Variants in WWC1 observed in about 807,000 individuals in gnomAD.
The protein encoded by WWC1 is protein KIBRA.
In WWC1, 55 loss-of-function variants were observed where a neutral mutation model predicts 138.4. The ratio of observed to expected loss-of-function variants is 0.40; its 90% CI spans 0.32 to 0.50. The LOEUF is 0.50. Among genes scored for constraint, WWC1 ranks in the 20% least tolerant of loss-of-function variants. The pLI, the probability that WWC1 is intolerant of heterozygous loss-of-function variation, is 0.72. For synonymous variants in WWC1, 524 were observed against 564.9 expected (o/e 0.93, Z 1.03); for missense variants, 1,226 against 1,420.4 (o/e 0.86, Z 2.20).
intron 2 of WWC1, among the ~76,000 whole-genome samples, chr5:168,376,991 G>A (rs559526200): frequency 2.6e-4 from 40 of 152,120 alleles, no homozygotes; most frequent in Non-Finnish European, 4.9e-4. Flanking sequence ...TAAGCAAAAA[G>A]AACAAAGCCA....
chr5:168,404,364 C>T (rs947589787), intron 5 of WWC1, among the ~76,000 whole-genome samples: 6 of 152,244 alleles, frequency 3.9e-5, no homozygotes, highest in Non-Finnish European at 5.9e-5. Flanking sequence ...AATCTGGGGC[C>T]GGTCCTTGCC....
chr5:168,427,425 G>A (rs528789698), intron 11 of WWC1, among the ~76,000 whole-genome samples: 15 of 152,178 alleles, frequency 9.9e-5, no homozygotes, highest in Admixed American at 2.6e-4. Context: ...GTATCTCAAG[G>A]TCATGAAGCA....
At chr5:168,426,183 T>C (rs915708223) in intron 11 of WWC1, among the ~76,000 whole-genome samples, 1 of 152,152 alleles carries the variant, frequency 6.6e-6, no homozygotes, top group Non-Finnish European at 1.5e-5. Context: ...ATCCCTGGGT[T>C]TCCCTCATCA....
At chr5:168,364,281 A>G (rs974071323) in intron 1 of WWC1, among the ~76,000 whole-genome samples, 2 of 151,958 alleles carry the variant, frequency 1.3e-5, no homozygotes, top group African/African-American at 2.4e-5. Flanking sequence ...CTCCTTAACC[A>G]TGGAGCTGAC....
At chr5:168,374,943 G>T (rs1181874394) in intron 2 of WWC1, among the ~76,000 whole-genome samples, 1 of 152,216 alleles carries the variant, frequency 6.6e-6, no homozygotes, top group African/African-American at 2.4e-5. Context: ...ATAACTTCTG[G>T]AGCTGAGCAA....
At chr5:168,300,815 C>T (rs189379920) in intron 1 of WWC1, among the ~76,000 whole-genome samples, 10 of 152,204 alleles carry the variant, frequency 6.6e-5, no homozygotes, top group Admixed American at 5.9e-4. Flanking sequence ...CCTGGGGTAG[C>T]CCCTGGGATC....
Position 168,469,008 on chromosome 5 carries a change from T to G in WWC1, c.3333T>G (p.Asp1111Glu), listed in dbSNP as rs756645749. 14 of 1,614,242 alleles carry G rather than the reference T, an allele frequency of 8.7e-6. No homozygotes were observed. Among genetic ancestry groups the G allele is most frequent in the Non-Finnish European group, 1.2e-5 (14 of 1,180,036 alleles). The change falls in exon 23 of 23, where the codon GAT (aspartate) becomes GAG (glutamate). Residue 1111 changes from aspartate (D) to glutamate (E), a missense_variant. Asp to Glu is a conservative substitution (Grantham distance 45). This residue lies in a region of WWC1 where 206 missense variants were observed against 247.4 expected (regional missense o/e 0.83). Coordinates refer to ENST00000265293, the MANE Select transcript of WWC1 (RefSeq NM_015238.3). ...PRMNIPALSA[D>E]DV ...TGAATATCCCAGCTCTCTCTGCAGA[T>G]GACGTCTAATCGCCAGAAAAGTATT...
chr5:168,450,558 C>G (rs983065050), intron 17 of WWC1, among the ~76,000 whole-genome samples: 2 of 151,898 alleles, frequency 1.3e-5, no homozygotes, highest in Non-Finnish European at 2.9e-5. Flanking sequence ...CCCAGCTACT[C>G]GGGAGGCTGA....
intron 19 of WWC1, among the ~76,000 whole-genome samples, chr5:168,458,272 C>G (rs1430325522): frequency 6.6e-6 from 1 of 152,172 alleles, no homozygotes; most frequent in African/African-American, 2.4e-5. Context: ...AAACTCAAAG[C>G]ACTGTGCTCT....
chr5:168,384,199 C>T (rs925722022), intron 2 of WWC1, among the ~76,000 whole-genome samples: 18 of 152,036 alleles, frequency 1.2e-4, no homozygotes, highest in Admixed American at 2.0e-4. Flanking sequence ...GTTACTTAAC[C>T]TCTCTACGTC....
intron 16 of WWC1, among the ~76,000 whole-genome samples, chr5:168,443,241 A>G (rs1754953777): frequency 6.6e-6 from 1 of 152,202 alleles, no homozygotes. Context: ...AGGTAAAGAT[A>G]AGGGTAGCAA....
Position 168,292,078 on chromosome 5 carries a change from A to T in WWC1, c.-75A>T. ...TGCCTCGGCGGCCGCCCGGGCTAAGAGCGGCCGGCTGGAGCCGCTGAGCCC... is the reference window on the plus strand; with the variant it reads ...TGCCTCGGCGGCCGCCCGGGCTAAGTGCGGCCGGCTGGAGCCGCTGAGCCC... On this transcript the variant is annotated 5_prime_UTR_variant, in exon 1 of 23. Coordinates refer to ENST00000265293, the MANE Select transcript of WWC1 (RefSeq NM_015238.3). The surrounding 1 kb of genome is among the most constrained non-coding windows in gnomAD (Gnocchi z 4.4). 7.0e-7 allele frequency: 1 copy of T among 1,426,290 alleles called. No homozygotes were observed. Among genetic ancestry groups the T allele is most frequent in the South Asian group, 1.5e-5 (1 of 65,010 alleles). 88.4% of individuals were successfully genotyped at this position (1,426,290 alleles called of 1,614,324 possible).
At chr5:168,350,791 T>A (rs1774883711) in intron 1 of WWC1, among the ~76,000 whole-genome samples, 1 of 152,226 alleles carries the variant, frequency 6.6e-6, no homozygotes, top group South Asian at 2.1e-4. Context: ...TTTCCAAAAC[T>A]TCAGTCACTG....
chr5:168,347,499 C>T (rs1253050372), intron 1 of WWC1, among the ~76,000 whole-genome samples: 1 of 152,200 alleles, frequency 6.6e-6, no homozygotes, highest in African/African-American at 2.4e-5. Flanking sequence ...AAGAAAAGGT[C>T]GTGTGAAGTC....
chr5:168,421,247 A>AT (rs527752342), intron 9 of WWC1, among the ~76,000 whole-genome samples: 10 of 152,230 alleles, frequency 6.6e-5, no homozygotes, highest in African/African-American at 2.4e-4. Context: ...CTCACATCCC[A>AT]TTGGCCAGAA....
At chr5:168,364,550 C>T (rs1172048577) in intron 1 of WWC1, among the ~76,000 whole-genome samples, 1 of 152,200 alleles carries the variant, frequency 6.6e-6, no homozygotes. Flanking sequence ...ACCCTCTGCC[C>T]CTGGAAGCAG....
intron 5 of WWC1, among the ~76,000 whole-genome samples, chr5:168,401,345 T>C (rs886562393): frequency 1.3e-5 from 2 of 152,172 alleles, no homozygotes; most frequent in African/African-American, 2.4e-5. Flanking sequence ...CTCACTTACA[T>C]TCCCAGGGAG....
chr5:168,402,799 CCCT>C (rs1779404696), intron 5 of WWC1, among the ~76,000 whole-genome samples: 1 of 152,118 alleles, frequency 6.6e-6, no homozygotes, highest in Non-Finnish European at 1.5e-5. Flanking sequence ...CCTGATAACT[CCCT>C]CCTCATTCCC....
chr5:168,337,462 G>T (rs573424671), intron 1 of WWC1, among the ~76,000 whole-genome samples: 1 of 152,046 alleles, frequency 6.6e-6, no homozygotes, highest in African/African-American at 2.4e-5. Context: ...ATGGCTAGGG[G>T]CCAGGGATAG....
Sources: allele counts gnomAD v4.1 joint callset (sites outside exome capture counted in the v4.1 genomes callset), GRCh38; gene constraint gnomAD v4.1.1; regional missense constraint gnomAD v4.1.1; non-coding constraint Gnocchi (gnomAD v3.1); transcripts MANE v1.5; gene names NCBI Gene and HGNC (gene_info 2026-07-23, HGNC 2026-07-21).